MSH6: variants seen among roughly 807,000 people sequenced by gnomAD.
MSH6 encodes mutS homolog 6.
MSH6 carries 85 observed loss-of-function variants against 119.1 expected under a neutral mutation model. The ratio of observed to expected loss-of-function variants is 0.71; its 90% CI spans 0.60 to 0.85. The LOEUF (loss-of-function observed/expected upper bound fraction) is 0.85. Among genes scored for constraint, MSH6 ranks in the 40% least tolerant of loss-of-function variants. MSH6 has a pLI of 0.00. For missense variants in MSH6, 2,163 were observed against 1,655.3 expected (o/e 1.31, Z -5.32); for synonymous variants, 830 against 586.9 (o/e 1.41, Z -5.99).
At position 47,806,581 on chromosome 2, in the gene MSH6, G is replaced by GAAGT. The variant is rs267608127; in HGVS notation, c.3932_3935dup (p.Ile1313SerfsTer7). ...AGCAAGGCTTGCTAATCTCCCAGAGGAAGTTATTCAAAAGGGACATAGAAA... is the reference window on the plus strand; with the variant it reads ...AGCAAGGCTTGCTAATCTCCCAGAGGAAGTAAGTTATTCAAAAGGGACATAGAAA... On this transcript the variant is annotated frameshift_variant, in exon 9 of 10. Coordinates refer to ENST00000234420, the MANE Select transcript of MSH6 (RefSeq NM_000179.3). LOFTEE classifies it high-confidence loss of function. 6.2e-7 allele frequency: 1 copy of GAAGT among 1,613,590 alleles called. No homozygotes were observed. Among genetic ancestry groups the GAAGT allele is most frequent in the Non-Finnish European group, 8.5e-7 (1 of 1,179,820 alleles).
chr2:47,789,857 C>T (rs1327356949), intron 1 of MSH6, among the ~76,000 whole-genome samples: 3 of 151,368 alleles, frequency 2.0e-5, no homozygotes, highest in African/African-American at 7.3e-5. Context: ...GAGTCTTGCT[C>T]TGTTGCCCAG....
chr2:47,798,779 A>C lies in MSH6; in HGVS notation c.796A>C (p.Lys266Gln), dbSNP rs1333079379. ...SDIGGSDVEF[K>Q]PDTKEEGSSD... is the part of the protein sequence containing the mutation. ...CATTGGTGGCTCTGATGTGGAATTTAAGCCAGACACTAAGGAGGAAGGAAG... is the reference window on the plus strand; with the variant it reads ...CATTGGTGGCTCTGATGTGGAATTTCAGCCAGACACTAAGGAGGAAGGAAG... Residue 266 changes from lysine (K) to glutamine (Q), a missense_variant, in exon 4 of 10, where the codon AAG becomes CAG. By Grantham distance (53) the Lys-to-Gln change is moderately conservative. Coordinates refer to ENST00000234420, the MANE Select transcript of MSH6 (RefSeq NM_000179.3). 4.3e-6 allele frequency: 7 copies of C among 1,614,062 alleles called. No homozygotes were observed. The highest frequency in any genetic ancestry group is 5.9e-6 in the Non-Finnish European group (7 of 1,180,026).
intron 1 of MSH6, 134 bp downstream of exon 1, chr2:47,783,627 AG>A: frequency 1.1e-6 from 1 of 933,868 alleles, no homozygotes; most frequent in Non-Finnish European, 1.5e-6. Flanking sequence ...GGGGCCGCAG[AG>A]TTGGCTTGAA....
rs878853722 is a variant in MSH6 at position 47,800,803 on chromosome 2, T to C, written c.2820T>C (p.Ala940=). 6.2e-7 allele frequency: 1 copy of C among 1,614,088 alleles called. No individual in the cohort carries two copies. Among genetic ancestry groups the C allele is most frequent in the South Asian group, 1.1e-5 (1 of 91,084 alleles). ...KAGFDSDYDQ[A]LADIRENEQS... ...GCTTTGACTCTGATTATGACCAAGC[T>C]CTTGCTGACATAAGAGAAAATGAAC... Residue 940 remains alanine (A), a synonymous_variant, in exon 4 of 10, where the codon GCT becomes GCC. Transcript: ENST00000234420.
In MSH6 at chr2:47,798,640, T is replaced by C. The variant is rs1460925251; in HGVS notation, c.657T>C (p.Ser219=). 2 of 1,611,788 alleles carry C rather than the reference T, an allele frequency of 1.2e-6. No homozygotes were observed. Among genetic ancestry groups the C allele is most frequent in the Non-Finnish European group, 1.7e-6 (2 of 1,179,918 alleles). Residue 219 remains serine (S), a synonymous_variant, in exon 4 of 10, where the codon AGT becomes AGC. Transcript: ENST00000234420. ...GCACAACTTACGTAACAGATAAGAGTGAAGAAGATAATGAAATTGAGAGTG... is the reference window on the plus strand; with the variant it reads ...GCACAACTTACGTAACAGATAAGAGCGAAGAAGATAATGAAATTGAGAGTG... ...EVGTTYVTDK[S]EEDNEIESEE... is the part of the protein sequence containing the mutation.
rs927587365 is a variant in MSH6 at position 47,800,775 on chromosome 2, C to T, written c.2792C>T (p.Ala931Val). ...ARKTGLITPK[A>V]GFDSDYDQAL... Reference sequence around the variant, plus strand: ...AAGACTGGACTTATTACTCCCAAAGCAGGCTTTGACTCTGATTATGACCAA... The same window carrying T: ...AAGACTGGACTTATTACTCCCAAAGTAGGCTTTGACTCTGATTATGACCAA... Residue 931 changes from alanine (A) to valine (V), a missense_variant, in exon 4 of 10, where the codon GCA becomes GTA. Ala to Val is a moderately conservative substitution (Grantham distance 64, BLOSUM62 0). Coordinates refer to ENST00000234420, the MANE Select transcript of MSH6 (RefSeq NM_000179.3). 1.2e-6 allele frequency: 2 copies of T among 1,614,156 alleles called. No individual in the cohort carries two copies. Among genetic ancestry groups the T allele is most frequent in the South Asian group, 1.1e-5 (1 of 91,080 alleles).
At chr2:47,806,049 C>A (rs922940155) in intron 7 of MSH6, among the ~76,000 whole-genome samples, 155 bp from the exon 8 acceptor site, 6 of 152,202 alleles carry the variant, frequency 3.9e-5, no homozygotes, top group Non-Finnish European at 7.3e-5. Flanking sequence ...GGCTGCTAAG[C>A]AGACTCGTGT....
rs1553414320 is a variant in MSH6, at chr2:47,800,927, C to A, written c.2944C>A (p.Pro982Thr). The A allele has an allele frequency of 6.3e-7, 1 of 1,578,734 alleles. No homozygotes were observed. The highest frequency in any genetic ancestry group is 8.6e-7 in the Non-Finnish European group (1 of 1,164,056). ...TAGGAACCGTTACCAGCTGGAAATT[C>A]CTGAGAATTTCACCACTCGCAATTT... is the stretch of plus-strand genomic sequence containing the variant. ...IGRNRYQLEI[P>T]ENFTTRNLPE... Residue 982 changes from proline (P) to threonine (T), a missense_variant, in exon 4 of 10, where the codon CCT becomes ACT. Physicochemically the swap from Pro to Thr is conservative, Grantham distance 38. Coordinates refer to ENST00000234420, the MANE Select transcript of MSH6 (RefSeq NM_000179.3).
chr2:47,800,821 A>G lies in MSH6; in HGVS notation c.2838A>G (p.Glu946=), dbSNP rs876660479. 1.9e-6 allele frequency: 3 copies of G among 1,614,160 alleles called. No homozygotes were observed. The highest frequency in any genetic ancestry group is 1.6e-4 in the Middle Eastern group (1 of 6,062). The change falls in exon 4 of 10, where the codon GAA becomes GAG. Residue 946 remains glutamate, a synonymous_variant. Coordinates refer to ENST00000234420, the MANE Select transcript of MSH6 (RefSeq NM_000179.3). ...DYDQALADIR[E]NEQSLLEYLE... Reference sequence around the variant, plus strand: ...ACCAAGCTCTTGCTGACATAAGAGAAAATGAACAGAGCCTCCTGGAATACC... The same window carrying G: ...ACCAAGCTCTTGCTGACATAAGAGAGAATGAACAGAGCCTCCTGGAATACC...
intron 2 of MSH6, among the ~76,000 whole-genome samples, chr2:47,792,680 T>C (rs947227613): frequency 1.3e-5 from 2 of 151,882 alleles, no homozygotes; most frequent in Non-Finnish European, 2.9e-5. Flanking sequence ...CGTTTTCTTT[T>C]CAAGAGATGG....
At chr2:47,785,730 A>G (rs1668311899) in intron 1 of MSH6, among the ~76,000 whole-genome samples, 1 of 152,218 alleles carries the variant, frequency 6.6e-6, no homozygotes, top group South Asian at 2.1e-4. Flanking sequence ...TCCTGGTTAG[A>G]AAAGCATGAC....
rs876659095 is a variant in MSH6, at chr2:47,798,908, T to C, written c.925T>C (p.Ser309Pro). ...KRKRMVTGNGSLKRKSSRKET... is the reference protein window; with the variant it reads ...KRKRMVTGNGPLKRKSSRKET... Reference sequence around the variant, plus strand: ...GAAGAGAATGGTGACTGGAAATGGCTCTCTTAAAAGGAAAAGCTCTAGGAA... The same window carrying C: ...GAAGAGAATGGTGACTGGAAATGGCCCTCTTAAAAGGAAAAGCTCTAGGAA... The change falls in exon 4 of 10, where the codon TCT becomes CCT. Residue 309 changes from serine to proline, a missense_variant. Physicochemically the swap from Ser to Pro is moderately conservative, Grantham distance 74 (BLOSUM62 -1). Coordinates refer to ENST00000234420, the MANE Select transcript of MSH6 (RefSeq NM_000179.3). 2 of 1,614,096 alleles carry C rather than the reference T, an allele frequency of 1.2e-6. No individual in the cohort carries two copies. The highest frequency in any genetic ancestry group is 1.7e-6 in the Non-Finnish European group (2 of 1,180,012).
rs1553334019 is a variant in MSH6 at position 47,806,807 on chromosome 2, A to G, written c.4030A>G (p.Thr1344Ala). 2 of 1,610,792 alleles carry G rather than the reference A, an allele frequency of 1.2e-6. No individual in the cohort carries two copies. Among genetic ancestry groups the G allele is most frequent in the Non-Finnish European group, 1.7e-6 (2 of 1,178,706 alleles). ...AGTTTGCCTGGCTAGTGAAAGGTCA[A>G]CTGTAGATGCTGAAGCTGTCCATAA... ...REVCLASERS[T>A]VDAEAVHKLL... Residue 1344 changes from threonine to alanine, a missense_variant, in exon 10 of 10, where the codon ACT becomes GCT. Thr to Ala is a moderately conservative substitution (Grantham distance 58). Transcript: ENST00000234420.
chr2:47,783,549 C>G, intron 1 of MSH6, 56 bp downstream of exon 1: 1 of 1,393,872 alleles, frequency 7.2e-7, no homozygotes, highest in South Asian at 1.6e-5. Flanking sequence ...GCGCTTGGAA[C>G]CCGGCGAGGG....
At position 47,798,694 on chromosome 2, in the gene MSH6, A is replaced by C; in HGVS notation, c.711A>C (p.Gly237=). ...AGGAAGTACAGCCTAAGACACAAGG[A>C]TCTAGGCGAAGTAGCCGCCAAATAA... ...SEEEVQPKTQ[G]SRRSSRQIKK... The change falls in exon 4 of 10, where the codon GGA becomes GGC. Residue 237 remains glycine (G), a synonymous_variant. Transcript: ENST00000234420. 1 of 1,614,098 alleles carries C rather than the reference A, an allele frequency of 6.2e-7. No individual in the cohort carries two copies. Among genetic ancestry groups the C allele is most frequent in the Non-Finnish European group, 8.5e-7 (1 of 1,180,012 alleles).
chr2:47,797,931 A>G, intron 3 of MSH6: 1 of 212,676 alleles, frequency 4.7e-6, no homozygotes, highest in Non-Finnish European at 9.9e-6. Context: ...CCTCAGCACA[A>G]TCTTTTTTAT....
intron 1 of MSH6, among the ~76,000 whole-genome samples, chr2:47,790,475 C>T (rs1353681926): frequency 1.3e-5 from 2 of 152,106 alleles, no homozygotes; most frequent in Non-Finnish European, 2.9e-5. Flanking sequence ...CCAAGCAAGT[C>T]TAATGAATTA....
chr2:47,805,970 G>C (rs1670006411), intron 7 of MSH6, among the ~76,000 whole-genome samples: 1 of 152,086 alleles, frequency 6.6e-6, no homozygotes. Context: ...AACACTAATA[G>C]GAGGACTCAG....
chr2:47,801,413 G>C, intron 4 of MSH6: 1 of 344,706 alleles, frequency 2.9e-6, no homozygotes, highest in Non-Finnish European at 4.9e-6. Flanking sequence ...CTGTTGCCCA[G>C]GCTAGAATAT....
Sources: gnomAD v4.1 joint callset for allele counts (sites outside exome capture counted in the v4.1 genomes callset) on GRCh38, gnomAD v4.1.1 for gene constraint, MANE v1.5 for transcripts, NCBI Gene and HGNC (gene_info 2026-07-23, HGNC 2026-07-21) for gene names.